Variants in COL11A1 observed in about 807,000 individuals in gnomAD.
COL11A1 encodes collagen type XI alpha 1 chain, also known as collagen alpha-1(XI) chain.
In COL11A1, 74 loss-of-function variants were observed where a neutral mutation model predicts 265.2. The observed-to-expected ratio is 0.28, with a 90% confidence interval of 0.23 to 0.34. The LOEUF is 0.34. Ranked by LOEUF, COL11A1 falls within the 10% of genes least tolerant of loss-of-function variation. The pLI, the probability that COL11A1 is intolerant of heterozygous loss-of-function variation, is 1.00. For missense variants in COL11A1, 2,165 were observed against 2,263.6 expected, an observed-to-expected ratio of 0.96 and a Z score of 0.88; for synonymous variants, 816 against 727.6, an observed-to-expected ratio of 1.12 and a Z score of -1.96.
At chr1:103,026,386 T>G in intron 5 of COL11A1, 54 bp from the exon 6 acceptor site, 1 of 1,117,280 alleles carries the variant, frequency 9.0e-7, no homozygotes, top group Non-Finnish European at 1.4e-6. Context: ...AAAATACTAT[T>G]CACAAAGTGA....
At chr1:103,012,332 G>A in intron 14 of COL11A1, 81 bp downstream of exon 14, 1 of 1,012,608 alleles carries the variant, frequency 9.9e-7, no homozygotes. Flanking sequence ...CCATAGATAT[G>A]CACAATCCCT....
rs201091643 is a variant in COL11A1, at chr1:103,001,289, GT to G, written c.2142+635del. On this transcript the variant is annotated intron_variant, in intron 24 of 66. Coordinates refer to ENST00000370096, the MANE Select transcript of COL11A1 (RefSeq NM_001854.4). ...AAATTACACTTCGATAAAGCTATTA[GT>G]TTTTTTTAATTAATATGTTTGTAGA... 2,134 of 396,252 alleles carry G rather than the reference GT, an allele frequency of 5.4e-3. 17 individuals are homozygous for G. The highest frequency in any genetic ancestry group is 0.024 in the Middle Eastern group (37 of 1,574). 24.5% of individuals were successfully genotyped at this position (396,252 alleles called of 1,614,324 possible). A position where few individuals can be genotyped will look rare whatever the true frequency, so the allele number is the denominator to read the frequency against.
chr1:103,016,243 A>G (rs941640266), intron 11 of COL11A1, among the ~76,000 whole-genome samples: 2 of 150,600 alleles, frequency 1.3e-5, no homozygotes, highest in African/African-American at 4.8e-5. Flanking sequence ...ACTATCTTCA[A>G]GAGAGATACT....
chr1:103,078,756 C>T lies in COL11A1; in HGVS notation c.390G>A (p.Glu130=). Residue 130 remains glutamate, a synonymous_variant, in exon 3 of 67, where the codon GAG becomes GAA. Coordinates refer to ENST00000370096, the MANE Select transcript of COL11A1 (RefSeq NM_001854.4). ...NEHGIQQIGV[E]VGRSPVFLFE... ...ACAGAAAAACAGGTGATCTCCCAAC[C>T]TCAACACCAATTTGCTGAATACCAT... The T allele has an allele frequency of 6.2e-7, 1 of 1,613,372 alleles. No homozygotes were observed. The highest frequency in any genetic ancestry group is 8.5e-7 in the Non-Finnish European group (1 of 1,179,596).
At chr1:102,951,964 A>G (rs1213242169) in intron 41 of COL11A1, among the ~76,000 whole-genome samples, 1 of 152,138 alleles carries the variant, frequency 6.6e-6, no homozygotes, top group Non-Finnish European at 1.5e-5. Flanking sequence ...TATGAAAATA[A>G]TGCTTATTAA....
intron 54 of COL11A1, among the ~76,000 whole-genome samples, chr1:102,901,383 G>T: frequency 6.7e-6 from 1 of 150,146 alleles, no homozygotes; most frequent in East Asian, 2.0e-4. Context: ...TCTGCTCCTT[G>T]TCCTTCCACC....
Position 102,890,526 on chromosome 1 carries a change from A to G in COL11A1, c.4303-22T>C, listed in dbSNP as rs74108036. 4 of 1,531,664 alleles carry G rather than the reference A, an allele frequency of 2.6e-6. No individual in the cohort carries two copies. In the East Asian group the frequency reaches 6.8e-5, roughly 26 times the overall value. The allele number at this position is 1,531,664 out of a possible 1,614,324, so 94.9% of individuals were successfully genotyped here. A position where few individuals can be genotyped will look rare whatever the true frequency, so the allele number is the denominator to read the frequency against. Reference sequence around the variant, plus strand: ...GTCCCTAAATAATAACAAAAAAAAAACCCCAAAACAAAAACAGAGTAGGTA... The same window carrying G: ...GTCCCTAAATAATAACAAAAAAAAAGCCCCAAAACAAAAACAGAGTAGGTA... On this transcript the variant is annotated intron_variant, in intron 57 of 66. Transcript: ENST00000370096.
rs749253142 is a variant in COL11A1 at position 102,879,858 on chromosome 1, T to G, written c.5099A>C (p.Lys1700Thr). The G allele has an allele frequency of 1.1e-5, 18 of 1,613,908 alleles. No individual in the cohort carries two copies. The highest frequency in any genetic ancestry group is 1.7e-5 in the Admixed American group (1 of 59,974). The change falls in exon 66 of 67, where the codon AAA (lysine) becomes ACA (threonine). Residue 1700 changes from lysine to threonine, a missense_variant. Lys to Thr is a moderately conservative substitution (Grantham distance 78, BLOSUM62 -1). Coordinates refer to ENST00000370096, the MANE Select transcript of COL11A1 (RefSeq NM_001854.4). ...TTGCCGAGCAGAGGCAGTCAGAAGTTTCAGGAATGTCATTTGCACCATATT... is the reference window on the plus strand; with the variant it reads ...TTGCCGAGCAGAGGCAGTCAGAAGTGTCAGGAATGTCATTTGCACCATATT... Reference protein sequence around the residue: ...SINMVQMTFLKLLTASARQNF... With the variant: ...SINMVQMTFLTLLTASARQNF...
At chr1:103,013,833 A>T (rs557623815) in intron 13 of COL11A1, among the ~76,000 whole-genome samples, 7 of 152,128 alleles carry the variant, frequency 4.6e-5, no homozygotes, top group African/African-American at 1.7e-4. Context: ...TAAAAATGTT[A>T]TATGAATTCC....
intron 4 of COL11A1, among the ~76,000 whole-genome samples, chr1:103,044,827 A>G (rs1331889891): frequency 6.6e-6 from 1 of 152,108 alleles, no homozygotes; most frequent in African/African-American, 2.4e-5. Context: ...AGAGGGAGAA[A>G]CAAAATAAGA....
At chr1:102,912,083 G>C in intron 54 of COL11A1, 76 bp downstream of exon 54, 1 of 1,226,964 alleles carries the variant, frequency 8.2e-7, no homozygotes. Flanking sequence ...GCTGCCTGCA[G>C]CTTACACACA....
At chr1:102,890,585 T>A in intron 57 of COL11A1, 81 bp from the exon 58 acceptor site, 1 of 1,192,130 alleles carries the variant, frequency 8.4e-7, no homozygotes, top group Non-Finnish European at 1.2e-6. Context: ...GTCACAGACC[T>A]AGTTTAGTTT....
intron 35 of COL11A1, 22 bp downstream of exon 35, chr1:102,978,686 T>G (rs764105094): frequency 1.2e-6 from 2 of 1,612,002 alleles, no homozygotes; most frequent in Non-Finnish European, 1.7e-6. Flanking sequence ...CATTTTATAT[T>G]ATGTGGCTGT....
intron 31 of COL11A1, among the ~76,000 whole-genome samples, chr1:102,980,649 A>ACG (rs35954559): frequency 6.6e-6 from 1 of 152,048 alleles, no homozygotes; most frequent in Non-Finnish European, 1.5e-5. Context: ...ACTTGAATAC[A>ACG]CCTTTCTTTT....
chr1:102,922,650 C>T (rs1353987287), intron 47 of COL11A1, among the ~76,000 whole-genome samples: 4 of 152,164 alleles, frequency 2.6e-5, no homozygotes, highest in Admixed American at 6.5e-5. Context: ...CCGCCCGCCT[C>T]GGCCTCCCAA....
In COL11A1 at chr1:102,914,695, C is replaced by T. The variant is rs745394024; in HGVS notation, c.3924+9G>A. The T allele has an allele frequency of 6.2e-7, 1 of 1,608,676 alleles. No homozygotes were observed. Among genetic ancestry groups the T allele is most frequent in the Admixed American group, 1.7e-5 (1 of 59,876 alleles). On this transcript the variant is annotated intron_variant, in intron 51 of 66. Coordinates refer to ENST00000370096, the MANE Select transcript of COL11A1 (RefSeq NM_001854.4). Reference sequence around the variant, plus strand: ...AAATGCCACATTAGAGGGGACCAAACTCACTTACCGGGTTACCCTTAGGGC... The same window carrying T: ...AAATGCCACATTAGAGGGGACCAAATTCACTTACCGGGTTACCCTTAGGGC...
intron 4 of COL11A1, among the ~76,000 whole-genome samples, chr1:103,050,645 G>A (rs1216278583): frequency 6.6e-6 from 1 of 152,152 alleles, no homozygotes; most frequent in African/African-American, 2.4e-5. Flanking sequence ...TGCTGGTGAG[G>A]AGCTGTGTTC....
chr1:102,915,513 G>T, intron 50 of COL11A1, 118 bp downstream of exon 50: 1 of 843,062 alleles, frequency 1.2e-6, no homozygotes, highest in Non-Finnish European at 2.1e-6. Flanking sequence ...TTTCCTTAAT[G>T]AGTTGGGAAG....
intron 14 of COL11A1, among the ~76,000 whole-genome samples, chr1:103,009,921 T>C (rs1665957922): frequency 6.6e-6 from 1 of 152,186 alleles, no homozygotes; most frequent in South Asian, 2.1e-4. Context: ...TAAATCAGAT[T>C]ATTAATCACT....
Sources: allele counts gnomAD v4.1 joint callset (sites outside exome capture counted in the v4.1 genomes callset), GRCh38; gene constraint gnomAD v4.1.1; transcripts MANE v1.5; gene names NCBI Gene and HGNC (gene_info 2026-07-23, HGNC 2026-07-21).